The following CSMD1 variants were observed in gnomAD, a reference collection of about 807,000 sequenced individuals.
The protein encoded by CSMD1 is CUB and sushi domain-containing protein 1.
Under a neutral mutation model 417.5 loss-of-function variants are expected in CSMD1, and 213 were observed. The ratio of observed to expected loss-of-function variants is 0.51; its 90% confidence interval spans 0.46 to 0.57. CSMD1 has a LOEUF of 0.57. Among genes scored for constraint, CSMD1 ranks in the 20% least tolerant of loss-of-function variants. The pLI is 0.00. For synonymous variants in CSMD1, 2,862 were observed against 1,736.8 expected (o/e 1.65, Z -16.11); for missense variants, 6,923 against 4,529.7 (o/e 1.53, Z -15.17).
chr8:4,528,974 TG>T (rs1342922298), intron 2 of CSMD1, among the ~76,000 whole-genome samples: 1 of 152,200 alleles, frequency 6.6e-6, no homozygotes, highest in Non-Finnish European at 1.5e-5. Context: ...TAGGTCTTTG[TG>T]AGATTTATTA....
At chr8:4,328,031 G>T (rs2134953) in intron 3 of CSMD1, among the ~76,000 whole-genome samples, 1 of 152,138 alleles carries the variant, frequency 6.6e-6, no homozygotes, top group Non-Finnish European at 1.5e-5. Context: ...GGTACTTAGC[G>T]TCAGTTATTG....
chr8:4,013,655 G>T lies in CSMD1; in HGVS notation c.611-15545C>A, dbSNP rs577940958. Among the ~76,000 whole-genome samples the T allele has an allele frequency of 3.3e-4, 50 of 152,260 alleles. 1 individual carries two copies. Among genetic ancestry groups the T allele is most frequent in the East Asian group, 2.5e-3 (13 of 5,182 alleles). ...GTTATCTATCTCCACCCATTAAAAT[G>T]ATATTTCTGCAAAGATTGGAATTCT... On this transcript the variant is annotated intron_variant, in intron 4 of 69. Transcript: ENST00000635120.
At chr8:3,660,707 G>C (rs1039341663) in intron 7 of CSMD1, among the ~76,000 whole-genome samples, 4 of 145,516 alleles carry the variant, frequency 2.7e-5, no homozygotes, top group African/African-American at 7.5e-5. Context: ...TTTTAGTAGA[G>C]ACAGGGTTTC....
In CSMD1 at chr8:3,436,682, T is replaced by C. The variant is rs74449078; in HGVS notation, c.1562-27077A>G. ...AAAGTGTGAGTCTTGTATTGTTCTA[T>C]ATACGCGACACCTTAGAAACGCTTT... On this transcript the variant is annotated intron_variant, in intron 12 of 69. Coordinates refer to ENST00000635120, the MANE Select transcript of CSMD1 (RefSeq NM_033225.6). Among the ~76,000 whole-genome samples, 1,513 of 152,298 alleles carry C rather than the reference T, an allele frequency of 9.9e-3. 44 individuals carry two copies. Among genetic ancestry groups the C allele is most frequent in the East Asian group, 0.092 (475 of 5,182 alleles).
At chr8:4,234,087 A>AC (rs1207580431) in intron 3 of CSMD1, among the ~76,000 whole-genome samples, 1 of 152,182 alleles carries the variant, frequency 6.6e-6, no homozygotes, top group African/African-American at 2.4e-5. Context: ...CTAAGTACTA[A>AC]CCTACACAAG....
rs567278791 is a variant in CSMD1, at chr8:3,826,942, C to G, written c.819-72900G>C. On this transcript the variant is annotated intron_variant, in intron 5 of 69. Transcript: ENST00000635120. The stretch of plus-strand genomic sequence containing the variant: ...GCTGAAACTACAGGCATGTGCCTAG[C>G]TATTTTTTTAAATATAATTTATAGA... Among the ~76,000 whole-genome samples the G allele has an allele frequency of 3.3e-3, 502 of 152,104 alleles. 1 individual carries two copies. The highest frequency in any genetic ancestry group is 5.2e-3 in the Admixed American group (79 of 15,276).
intron 3 of CSMD1, among the ~76,000 whole-genome samples, chr8:4,315,968 T>A (rs1375594729): frequency 6.6e-6 from 1 of 152,108 alleles, no homozygotes; most frequent in Non-Finnish European, 1.5e-5. Flanking sequence ...GAACGGGAAA[T>A]TTTGTGAATG....
chr8:4,958,530 C>G (rs1291873864), intron 1 of CSMD1, among the ~76,000 whole-genome samples: 2 of 152,078 alleles, frequency 1.3e-5, no homozygotes, highest in Non-Finnish European at 2.9e-5. Context: ...GAAATATTCC[C>G]ACAGTTAATT....
intron 40 of CSMD1, among the ~76,000 whole-genome samples, chr8:3,150,483 C>T (rs183592331): frequency 6.6e-6 from 1 of 152,336 alleles, no homozygotes; most frequent in East Asian, 1.9e-4. Context: ...CTCACTCCTA[C>T]TGCTACTGCC....
intron 5 of CSMD1, among the ~76,000 whole-genome samples, chr8:3,989,586 T>G (rs1211712623): frequency 6.6e-6 from 1 of 152,196 alleles, no homozygotes; most frequent in Admixed American, 6.5e-5. Context: ...GGGATTGCAT[T>G]AAGAGATTTC....
chr8:3,408,128 A>C lies in CSMD1; in HGVS notation c.1842T>G (p.Ile614Met). Residue 614 changes from isoleucine (I) to methionine (M), a missense_variant, in exon 14 of 70, where the codon ATT becomes ATG. Physicochemically the swap from Ile to Met is conservative, Grantham distance 10. Transcript: ENST00000635120. ...GAATTCGACTTCCTGGCTCCGAGAT[A>C]ATCAACCAGACACAGTTCATGTTGT... is the stretch of plus-strand genomic sequence containing the variant. Reference protein sequence around the residue: ...YGNNMNCVWLIISEPGSRIHL... With the variant: ...YGNNMNCVWLMISEPGSRIHL... 6.2e-7 allele frequency: 1 copy of C among 1,613,824 alleles called. No homozygotes were observed.
chr8:3,483,254 G>C (rs1229508934), intron 11 of CSMD1, among the ~76,000 whole-genome samples: 1 of 151,996 alleles, frequency 6.6e-6, no homozygotes, highest in Non-Finnish European at 1.5e-5. Flanking sequence ...GAAAGGGAGA[G>C]AGAGATAGAA....
chr8:3,982,417 G>A (rs535533777), intron 5 of CSMD1, among the ~76,000 whole-genome samples: 38 of 151,784 alleles, frequency 2.5e-4, no homozygotes, highest in African/African-American at 8.9e-4. Context: ...TATATGGAAA[G>A]CACAATAAGA....
intron 49 of CSMD1, among the ~76,000 whole-genome samples, chr8:3,067,858 T>A (rs1294470394): frequency 3.3e-5 from 5 of 152,066 alleles, no homozygotes; most frequent in African/African-American, 1.2e-4. Flanking sequence ...TATGAGTCAA[T>A]ATTATTACCC....
chr8:4,934,143 A>G (rs1807443862), intron 1 of CSMD1, among the ~76,000 whole-genome samples: 1 of 152,202 alleles, frequency 6.6e-6, no homozygotes, highest in African/African-American at 2.4e-5. Flanking sequence ...CTCCTGGCCC[A>G]GTGACTCTGA....
At chr8:4,367,242 C>G (rs182649746) in intron 3 of CSMD1, among the ~76,000 whole-genome samples, 225 of 152,156 alleles carry the variant, frequency 1.5e-3, no homozygotes, top group Non-Finnish European at 2.8e-3. Flanking sequence ...GGAAGGGGTC[C>G]AGTCTCATAA....
chr8:4,268,520 C>T (rs1021063104), intron 3 of CSMD1, among the ~76,000 whole-genome samples: 2 of 152,184 alleles, frequency 1.3e-5, no homozygotes, highest in South Asian at 4.2e-4. Context: ...AAGTAGTAGT[C>T]AAAATGATTT....
intron 3 of CSMD1, among the ~76,000 whole-genome samples, chr8:4,262,847 C>G (rs1190056311): frequency 6.6e-6 from 1 of 152,160 alleles, no homozygotes; most frequent in African/African-American, 2.4e-5. Context: ...TTAATCAAAA[C>G]TGTCTTTTAA....
rs374205983 is a variant in CSMD1 at position 4,013,184 on chromosome 8, T to C, written c.611-15074A>G. Among the ~76,000 whole-genome samples, 56 of 152,290 alleles carry C rather than the reference T, an allele frequency of 3.7e-4. No individual in the cohort carries two copies. The East Asian group carries it at 0.01, about 27-fold the overall frequency. On this transcript the variant is annotated intron_variant, in intron 4 of 69. Coordinates refer to ENST00000635120, the MANE Select transcript of CSMD1 (RefSeq NM_033225.6). ...AGAGGTTAAAGTCCAAAGGCTGATC[T>C]ACAGGGCCCACTCCTATCCTCTGGG...
Sources: gnomAD v4.1 joint callset for allele counts (sites outside exome capture counted in the v4.1 genomes callset) on GRCh38, gnomAD v4.1.1 for gene constraint, MANE v1.5 for transcripts, NCBI Gene and HGNC (gene_info 2026-07-23, HGNC 2026-07-21) for gene names.